The following THSD7B variants were observed in gnomAD, a reference collection of about 807,000 sequenced individuals.
THSD7B encodes thrombospondin type-1 domain-containing protein 7B.
In THSD7B, 138 loss-of-function variants were observed where a neutral mutation model predicts 213.6. The observed-to-expected ratio is 0.65, with a 90% CI of 0.56 to 0.74. THSD7B has a LOEUF of 0.74. Among genes scored for constraint, THSD7B ranks in the 30% least tolerant of loss-of-function variants. The probability of loss-of-function intolerance (pLI) is 0.00; values close to 1 mark genes in which losing one functional copy is unlikely to be tolerated. For missense variants in THSD7B, 1,931 were observed against 1,991.5 expected (o/e 0.97, Z 0.58); for synonymous variants, 742 against 687.0 (o/e 1.08, Z -1.25).
chr2:136,881,223 C>G (rs1683617442), intron 1 of THSD7B, among the ~76,000 whole-genome samples: 1 of 152,152 alleles, frequency 6.6e-6, no homozygotes, highest in Admixed American at 6.6e-5. Flanking sequence ...CTTTCCATCC[C>G]ACTTTCTTAA....
chr2:136,940,108 T>C (rs1448702763), intron 2 of THSD7B, among the ~76,000 whole-genome samples: 1 of 152,168 alleles, frequency 6.6e-6, no homozygotes, highest in Non-Finnish European at 1.5e-5. Context: ...GCTTTTAGTG[T>C]AACCATCACC....
At chr2:137,633,719 A>G (rs1682783337) in intron 20 of THSD7B, among the ~76,000 whole-genome samples, 2 of 152,130 alleles carry the variant, frequency 1.3e-5, no homozygotes, top group African/African-American at 4.8e-5. Flanking sequence ...TGACTCAGAG[A>G]GTAGGGGGAG....
chr2:136,797,499 T>C (rs754963460), intron 1 of THSD7B, among the ~76,000 whole-genome samples: 7 of 151,966 alleles, frequency 4.6e-5, no homozygotes, highest in Non-Finnish European at 8.8e-5. Flanking sequence ...AGAAAGACCA[T>C]AGAGTAGGGC....
At chr2:136,824,326 T>C (rs11898314) in intron 1 of THSD7B, among the ~76,000 whole-genome samples, 6,394 of 152,106 alleles carry the variant, frequency 0.042, 457 homozygotes, top group African/African-American at 0.14. Flanking sequence ...TAAGTACATA[T>C]ATATGTACTT....
chr2:136,949,876 C>T (rs1225524763), intron 2 of THSD7B, among the ~76,000 whole-genome samples: 1 of 152,208 alleles, frequency 6.6e-6, no homozygotes, highest in East Asian at 1.9e-4. Flanking sequence ...ACTGTAAAAA[C>T]ACGTGCACAC....
intron 12 of THSD7B, among the ~76,000 whole-genome samples, chr2:137,396,574 T>C (rs1686195458): frequency 7.1e-6 from 1 of 141,074 alleles, no homozygotes; most frequent in African/African-American, 2.6e-5. Context: ...GAGGAGAGCT[T>C]TACTTCCAAG....
chr2:137,388,357 G>A (rs977322298), intron 12 of THSD7B, among the ~76,000 whole-genome samples: 2 of 151,672 alleles, frequency 1.3e-5, no homozygotes, highest in Non-Finnish European at 2.9e-5. Flanking sequence ...AAAAAAAAAG[G>A]AGAGTGACCC....
intron 7 of THSD7B, among the ~76,000 whole-genome samples, chr2:137,211,339 C>CAG (rs1185403509): frequency 1.4e-5 from 1 of 70,678 alleles, no homozygotes; most frequent in Non-Finnish European, 2.8e-5. Context: ...CCTACACACA[C>CAG]ACACACACAC....
At chr2:137,115,087 C>T (rs1688420762) in intron 4 of THSD7B, 37 bp from the exon 5 acceptor site, 1 of 1,598,874 alleles carries the variant, frequency 6.3e-7, no homozygotes, top group East Asian at 2.2e-5. Flanking sequence ...ATTTTTCTTA[C>T]TTCTTCTTCT....
intron 12 of THSD7B, among the ~76,000 whole-genome samples, chr2:137,302,052 G>A (rs1265232744): frequency 6.6e-6 from 1 of 152,098 alleles, no homozygotes; most frequent in Non-Finnish European, 1.5e-5. Flanking sequence ...GCTGTCATTA[G>A]ACGTAAGAAA....
chr2:137,221,624 C>T (rs1349798346), intron 7 of THSD7B, among the ~76,000 whole-genome samples: 10 of 152,198 alleles, frequency 6.6e-5, no homozygotes, highest in South Asian at 2.1e-4. Context: ...AAGTAATCAA[C>T]GTGTTATGGT....
At chr2:136,986,194 G>C (rs1038570287) in intron 2 of THSD7B, among the ~76,000 whole-genome samples, 1 of 152,078 alleles carries the variant, frequency 6.6e-6, no homozygotes, top group Non-Finnish European at 1.5e-5. Context: ...TTAAGATTAG[G>C]GGGGGACTAT....
intron 4 of THSD7B, among the ~76,000 whole-genome samples, chr2:137,103,713 A>G (rs1688191640): frequency 6.6e-6 from 1 of 152,190 alleles, no homozygotes; most frequent in Admixed American, 6.5e-5. Context: ...GAAAGAAAAA[A>G]AAAAGAAGCA....
chr2:137,571,435 C>A (rs115511920), intron 16 of THSD7B, among the ~76,000 whole-genome samples: 3,876 of 152,224 alleles, frequency 0.025, 70 homozygotes, highest in Non-Finnish European at 0.037. Flanking sequence ...CATTTATATG[C>A]ATTTCTATAG....
chr2:137,459,677 A>T lies in THSD7B; in HGVS notation c.3138+8654A>T, dbSNP rs553387625. Among the ~76,000 whole-genome samples the T allele has an allele frequency of 1.1e-3, 164 of 152,222 alleles. 1 individual carries two copies. Among genetic ancestry groups the T allele is most frequent in the South Asian group, 8.3e-4 (4 of 4,818 alleles). ...GAGACTCTGTCTTTAAAGAAAAAAA[A>T]AAAGATTCAAGATAAAAATAATAAT... On this transcript the variant is annotated intron_variant, in intron 15 of 27. Coordinates refer to ENST00000409968, the MANE Select transcript of THSD7B (RefSeq NM_001316349.2).
intron 2 of THSD7B, among the ~76,000 whole-genome samples, chr2:136,957,351 G>A (rs1685143534): frequency 6.6e-6 from 1 of 152,102 alleles, no homozygotes; most frequent in South Asian, 2.1e-4. Flanking sequence ...ACAGATGGGA[G>A]GGAGAGGAGG....
intron 2 of THSD7B, among the ~76,000 whole-genome samples, chr2:136,919,168 G>A (rs1268326373): frequency 6.6e-6 from 1 of 152,200 alleles, no homozygotes; most frequent in Non-Finnish European, 1.5e-5. Context: ...CAACTCAGTA[G>A]CTTTAGACCT....
intron 15 of THSD7B, among the ~76,000 whole-genome samples, chr2:137,503,752 C>A (rs1194199354): frequency 6.6e-6 from 1 of 152,024 alleles, no homozygotes; most frequent in South Asian, 2.1e-4. Flanking sequence ...GTGAGCCGGG[C>A]GCGGTAGCTC....
chr2:136,966,161 C>G (rs1465257374), intron 2 of THSD7B, among the ~76,000 whole-genome samples: 2 of 152,146 alleles, frequency 1.3e-5, no homozygotes, highest in Non-Finnish European at 2.9e-5. Flanking sequence ...GACTTCCAAC[C>G]TCAGAGCTGG....
Sources: allele counts gnomAD v4.1 joint callset (sites outside exome capture counted in the v4.1 genomes callset), GRCh38; gene constraint gnomAD v4.1.1; transcripts MANE v1.5; gene names NCBI Gene and HGNC (gene_info 2026-07-23, HGNC 2026-07-21).